Variants in PRLR observed in about 807,000 individuals in gnomAD.
PRLR encodes the protein hPRL receptor.
A neutral mutation model predicts 40.2 loss-of-function variants in PRLR; 13 were observed. The observed-to-expected ratio is 0.32, with a 90% CI of 0.21 to 0.51. The LOEUF (loss-of-function observed/expected upper bound fraction) is 0.51. Ranked by LOEUF, PRLR falls within the 20% of genes least tolerant of loss-of-function variation. PRLR has a pLI of 0.97. For missense variants in PRLR, 656 were observed against 747.3 expected (o/e 0.88, Z 1.42); for synonymous variants, 269 against 278.7 (o/e 0.97, Z 0.35).
chr5:35,198,401 G>A (rs1319410488), intron 1 of PRLR, among the ~76,000 whole-genome samples: 1 of 152,224 alleles, frequency 6.6e-6, no homozygotes, highest in Non-Finnish European at 1.5e-5. Context: ...GCAAAGCTGA[G>A]TGCCTTCTGT....
intron 2 of PRLR, among the ~76,000 whole-genome samples, chr5:35,095,251 T>C (rs768755182): frequency 2.6e-5 from 4 of 152,160 alleles, no homozygotes; most frequent in Non-Finnish European, 5.9e-5. Context: ...AGGCTAAAGA[T>C]TAAGACTGTT....
intron 2 of PRLR, among the ~76,000 whole-genome samples, chr5:35,101,149 C>T (rs544852862): frequency 6.6e-6 from 1 of 152,308 alleles, no homozygotes; most frequent in South Asian, 2.1e-4. Flanking sequence ...AGAACAATCT[C>T]AGTTTGGCTT....
In PRLR at chr5:35,049,414, G is replaced by A. The variant is rs1768399103; in HGVS notation, c.1010-6C>T. On this transcript the variant is annotated splice_polypyrimidine_tract_variant and splice_region_variant and intron_variant, in intron 8 of 8. Transcript: ENST00000231423. ...ACCCAACATCAAGGGGTCACCTGGA[G>A]TGGGGAAGAAAAACAGTACATTCTG... The A allele has an allele frequency of 1.3e-5, 9 of 702,858 alleles. 1 individual carries two copies. Among genetic ancestry groups the A allele is most frequent in the Non-Finnish European group, 1.0e-5 (4 of 384,992 alleles). The allele number at this position is 702,858 out of a possible 1,614,324, so 43.5% of individuals were successfully genotyped here.
intron 5 of PRLR, among the ~76,000 whole-genome samples, chr5:35,083,165 C>T (rs1236082791): frequency 6.6e-6 from 1 of 152,056 alleles, no homozygotes; most frequent in Non-Finnish European, 1.5e-5. Flanking sequence ...CATGCCAGCA[C>T]TCCATAAAGA....
At chr5:35,104,936 G>T (rs1772136953) in intron 2 of PRLR, among the ~76,000 whole-genome samples, 1 of 152,232 alleles carries the variant, frequency 6.6e-6, no homozygotes, top group Admixed American at 6.5e-5. Flanking sequence ...GTGGGTCCCT[G>T]ACCCCCGAGT....
At chr5:35,174,112 C>T (rs1377686380) in intron 1 of PRLR, among the ~76,000 whole-genome samples, 15 of 146,208 alleles carry the variant, frequency 1.0e-4, no homozygotes, top group South Asian at 4.3e-4. Flanking sequence ...TGCTAAGAGA[C>T]GGAGTCTCAC....
intron 2 of PRLR, among the ~76,000 whole-genome samples, chr5:35,090,294 T>C (rs1459888004): frequency 6.6e-6 from 1 of 152,226 alleles, no homozygotes; most frequent in Non-Finnish European, 1.5e-5. Flanking sequence ...TAAATTCTGG[T>C]AATAATTTAA....
intron 1 of PRLR, among the ~76,000 whole-genome samples, chr5:35,211,387 G>A (rs1270901882): frequency 6.6e-6 from 1 of 152,214 alleles, no homozygotes; most frequent in African/African-American, 2.4e-5. Context: ...CACAAGACCT[G>A]AAGAGACAGT....
chr5:35,112,489 C>T (rs1772722126), intron 2 of PRLR, among the ~76,000 whole-genome samples: 1 of 151,866 alleles, frequency 6.6e-6, no homozygotes, highest in Non-Finnish European at 1.5e-5. Flanking sequence ...AGTGGTAAAC[C>T]GGGAAAGAGG....
At chr5:35,184,740 C>A (rs1026171812) in intron 1 of PRLR, among the ~76,000 whole-genome samples, 14 of 152,194 alleles carry the variant, frequency 9.2e-5, no homozygotes, top group African/African-American at 3.4e-4. Context: ...CTCACCAAAG[C>A]TGTAGGTAAG....
chr5:35,170,137 T>C (rs183511480), intron 1 of PRLR, among the ~76,000 whole-genome samples: 2 of 152,350 alleles, frequency 1.3e-5, no homozygotes, highest in Admixed American at 6.5e-5. Context: ...CAATCCATCA[T>C]GTAAGAAATC....
exon 9 of PRLR, chr5:35,049,054 T>A: frequency 3.2e-6 from 2 of 631,526 alleles, no homozygotes; most frequent in South Asian, 3.1e-5. Flanking sequence ...AGGGAGTATG[T>A]TACATTCAAT....
At chr5:35,088,875 C>A (rs1771025070) in intron 3 of PRLR, among the ~76,000 whole-genome samples, 1 of 152,308 alleles carries the variant, frequency 6.6e-6, no homozygotes, top group Non-Finnish European at 1.5e-5. Flanking sequence ...ACAGAACACA[C>A]ACAGACATAC....
intron 1 of PRLR, among the ~76,000 whole-genome samples, chr5:35,137,807 G>A (rs531061428): frequency 1.5e-4 from 23 of 152,254 alleles, no homozygotes; most frequent in African/African-American, 4.8e-4. Flanking sequence ...AAATATTCAC[G>A]AGGCTGAGGC....
At chr5:35,099,920 T>C (rs1771767552) in intron 2 of PRLR, among the ~76,000 whole-genome samples, 1 of 152,062 alleles carries the variant, frequency 6.6e-6, no homozygotes, top group African/African-American at 2.4e-5. Flanking sequence ...TTCACGCCTG[T>C]AATCCCGGCA....
intron 1 of PRLR, among the ~76,000 whole-genome samples, chr5:35,176,925 C>T (rs1271120722): frequency 6.6e-6 from 1 of 152,222 alleles, no homozygotes; most frequent in Non-Finnish European, 1.5e-5. Context: ...GTATAAAACC[C>T]GATTGTATGC....
At chr5:35,183,747 G>A (rs1260409531) in intron 1 of PRLR, among the ~76,000 whole-genome samples, 2 of 152,156 alleles carry the variant, frequency 1.3e-5, no homozygotes, top group African/African-American at 4.8e-5. Flanking sequence ...ATGCACATGT[G>A]GGCATGTGAT....
At position 35,057,265 on chromosome 5, in the gene PRLR, A is replaced by G. The variant is rs555791267; in HGVS notation, c.*7824T>C. On this transcript the variant is annotated 3_prime_UTR_variant, in exon 10 of 10. Coordinates refer to ENST00000618457, the MANE Select transcript of PRLR (RefSeq NM_000949.7). The stretch of plus-strand genomic sequence containing the variant: ...ATAGGAAGGGTGGACATAAAGGGGA[A>G]GAATTTTTTTTGTCCAACTTACATA... 3 of 152,266 alleles carry G rather than the reference A, an allele frequency of 2.0e-5. No individual in the cohort carries two copies. The highest frequency in any genetic ancestry group is 7.2e-5 in the African/African-American group (3 of 41,568). The allele number at this position is 152,266 out of a possible 1,614,324, so 9.4% of individuals were successfully genotyped here. A position where few individuals can be genotyped will look rare whatever the true frequency, so the allele number is the denominator to read the frequency against.
intron 1 of PRLR, among the ~76,000 whole-genome samples, chr5:35,172,581 T>G (rs1394316243): frequency 6.6e-6 from 1 of 152,208 alleles, no homozygotes; most frequent in Non-Finnish European, 1.5e-5. Context: ...TGACACTCAA[T>G]TCTCCTGTGG....
Sources: gnomAD v4.1 joint callset for allele counts (sites outside exome capture counted in the v4.1 genomes callset) on GRCh38, gnomAD v4.1.1 for gene constraint, MANE v1.5 for transcripts, NCBI Gene and HGNC (gene_info 2026-07-23, HGNC 2026-07-21) for gene names.